The following EIPR1 variants were observed in gnomAD, a reference collection of about 807,000 sequenced individuals.
EIPR1 encodes EARP complex and GARP complex interacting protein 1.
Under a neutral mutation model 48.1 loss-of-function variants are expected in EIPR1, and 25 were observed. That is an observed-to-expected ratio of 0.52 (90% confidence interval 0.38 to 0.73). The LOEUF is 0.73. Among genes scored for constraint, EIPR1 ranks in the 30% least tolerant of loss-of-function variants. The pLI is 0.00. For synonymous variants in EIPR1, 204 were observed against 201.9 expected, an observed-to-expected ratio of 1.01 and a Z score of -0.09; for missense variants, 415 against 506.2, an observed-to-expected ratio of 0.82 and a Z score of 1.73.
chr2:3,275,787 A>C (rs1056578609), intron 3 of EIPR1, among the ~76,000 whole-genome samples: 9 of 152,174 alleles, frequency 5.9e-5, no homozygotes, highest in African/African-American at 2.2e-4. Flanking sequence ...AAAATTGAGG[A>C]TGTGCTGAAA....
At chr2:3,221,516 A>G (rs1211037648) in intron 4 of EIPR1, among the ~76,000 whole-genome samples, 2 of 13,576 alleles carry the variant, frequency 1.5e-4, no homozygotes, top group African/African-American at 3.0e-4. Context: ...TGGCCGAGGT[A>G]CACTCTAGAA....
intron 2 of EIPR1, among the ~76,000 whole-genome samples, chr2:3,342,493 G>C (rs1045274444): frequency 6.6e-6 from 1 of 152,274 alleles, no homozygotes; most frequent in African/African-American, 2.4e-5. Context: ...GGCTTTCTGG[G>C]CTCTTCAGGA....
At chr2:3,190,452 G>A (rs1664566271) in intron 8 of EIPR1, among the ~76,000 whole-genome samples, 1 of 152,216 alleles carries the variant, frequency 6.6e-6, no homozygotes, top group Non-Finnish European at 1.5e-5. Context: ...AACTGCTGTT[G>A]TGGGACAAAT....
chr2:3,309,369 C>T (rs1669050973), intron 3 of EIPR1, among the ~76,000 whole-genome samples: 1 of 152,060 alleles, frequency 6.6e-6, no homozygotes, highest in African/African-American at 2.4e-5. Flanking sequence ...AACACTGTAA[C>T]TAAATCAAAA....
intron 3 of EIPR1, among the ~76,000 whole-genome samples, chr2:3,337,335 C>A (rs1460122329): frequency 6.6e-6 from 1 of 152,094 alleles, no homozygotes; most frequent in Non-Finnish European, 1.5e-5. Flanking sequence ...GCCTGTGGGA[C>A]AAATGAAGGC....
chr2:3,366,614 C>T (rs541314273), intron 1 of EIPR1, among the ~76,000 whole-genome samples: 17 of 152,052 alleles, frequency 1.1e-4, no homozygotes, highest in Non-Finnish European at 2.2e-4. Flanking sequence ...ACAAGAAAAT[C>T]CATGTGTTTA....
chr2:3,364,077 TAC>T, intron 1 of EIPR1, among the ~76,000 whole-genome samples: 1 of 152,260 alleles, frequency 6.6e-6, no homozygotes, highest in African/African-American at 2.4e-5. Context: ...TATAAATTAG[TAC>T]AGTCATTATG....
intron 5 of EIPR1, among the ~76,000 whole-genome samples, chr2:3,206,665 A>C (rs1027225230): frequency 5.3e-5 from 8 of 152,280 alleles, no homozygotes; most frequent in African/African-American, 1.9e-4. Context: ...CTGGAGAAAA[A>C]CTGTGTCTTA....
intron 1 of EIPR1, among the ~76,000 whole-genome samples, chr2:3,366,302 T>C (rs942490288): frequency 2.6e-5 from 4 of 151,990 alleles, no homozygotes; most frequent in African/African-American, 9.7e-5. Flanking sequence ...CAAAAACTTG[T>C]TTCAAAAGAA....
At chr2:3,341,148 T>C (rs1477376107) in intron 2 of EIPR1, among the ~76,000 whole-genome samples, 1 of 117,842 alleles carries the variant, frequency 8.5e-6, no homozygotes, top group Non-Finnish European at 1.8e-5. Context: ...ATAGAATGGG[T>C]AAATCAGTTG....
intron 4 of EIPR1, among the ~76,000 whole-genome samples, chr2:3,234,693 A>G (rs1666344725): frequency 6.6e-6 from 1 of 152,272 alleles, no homozygotes; most frequent in South Asian, 2.1e-4. Flanking sequence ...CTGTTGAATT[A>G]CAAGCGGCAG....
rs191317864 is a variant in EIPR1, at chr2:3,353,447, A to G, written c.126+1103T>C. ...AAGTTGTCATGTTTCTTAGGAGTCT[A>G]TAACTTTTAATGAGTGTAATAAGGG... On this transcript the variant is annotated intron_variant, in intron 2 of 8. Coordinates refer to ENST00000382125, the MANE Select transcript of EIPR1 (RefSeq NM_003310.5). 1,308 of 382,132 alleles carry G rather than the reference A, an allele frequency of 3.4e-3. 28 individuals carry two copies. The highest frequency in any genetic ancestry group is 0.026 in the African/African-American group (1,237 of 47,512). 23.7% of individuals were successfully genotyped at this position (382,132 alleles called of 1,614,324 possible).
At chr2:3,249,430 TG>T (rs1296897206) in intron 4 of EIPR1, among the ~76,000 whole-genome samples, 1 of 152,224 alleles carries the variant, frequency 6.6e-6, no homozygotes, top group Non-Finnish European at 1.5e-5. Flanking sequence ...AGAGGTAGCC[TG>T]GCTGCTTCTA....
chr2:3,316,676 G>A (rs2103317602), intron 3 of EIPR1, among the ~76,000 whole-genome samples: 1 of 152,342 alleles, frequency 6.6e-6, no homozygotes. Flanking sequence ...CAATGAAGCT[G>A]TGTAATTACT....
At position 3,295,897 on chromosome 2, in the gene EIPR1, CT is replaced by C. The variant is rs556449827; in HGVS notation, c.260-38443del. Among the ~76,000 whole-genome samples, 144 of 130,906 alleles carry C rather than the reference CT, an allele frequency of 1.1e-3. 2 individuals carry two copies. Among genetic ancestry groups the C allele is most frequent in the African/African-American group, 4.0e-3 (134 of 33,292 alleles). The allele number at this position is 130,906 out of a possible 152,430, so 85.9% of individuals were successfully genotyped here. On this transcript the variant is annotated intron_variant, in intron 3 of 8. Transcript: ENST00000382125. Reference sequence around the variant, plus strand: ...GCACACACCCTCCATCCAGCCCATTCTCTCTTTACACACCCTCCATCCAGCC... The same window carrying C: ...GCACACACCCTCCATCCAGCCCATTCCTCTTTACACACCCTCCATCCAGCC...
At chr2:3,314,722 C>T (rs1455155133) in intron 3 of EIPR1, among the ~76,000 whole-genome samples, 5 of 151,850 alleles carry the variant, frequency 3.3e-5, no homozygotes, top group Admixed American at 6.6e-5. Flanking sequence ...TTCTAGGCTC[C>T]GATGCCCCTC....
chr2:3,287,916 C>T (rs908095843), intron 3 of EIPR1, among the ~76,000 whole-genome samples: 1 of 151,950 alleles, frequency 6.6e-6, no homozygotes, highest in South Asian at 2.1e-4. Context: ...TGTACCCAGG[C>T]GGTGGAGGGG....
chr2:3,269,607 T>A (rs1361430015), intron 3 of EIPR1, among the ~76,000 whole-genome samples: 2,304 of 108,108 alleles, frequency 0.021, 161 homozygotes, highest in Non-Finnish European at 0.025. Context: ...TCAATCGCAC[T>A]CAATCATCAC....
At chr2:3,214,081 T>A in intron 5 of EIPR1, 68 bp downstream of exon 5, 1 of 1,416,268 alleles carries the variant, frequency 7.1e-7, no homozygotes, top group Non-Finnish European at 9.8e-7. Flanking sequence ...TTCCCACCTA[T>A]GAGTGAGAAC....
Sources: allele counts gnomAD v4.1 joint callset (sites outside exome capture counted in the v4.1 genomes callset), GRCh38; gene constraint gnomAD v4.1.1; transcripts MANE v1.5; gene names NCBI Gene and HGNC (gene_info 2026-07-23, HGNC 2026-07-21).